The following HGSNAT variants were observed in gnomAD, a reference collection of about 807,000 sequenced individuals.
The protein encoded by HGSNAT is heparan-alpha-glucosaminide N-acetyltransferase, also known as transmembrane protein 76.
In HGSNAT, 59 loss-of-function variants were observed where a neutral mutation model predicts 85.2. The ratio of observed to expected loss-of-function variants is 0.69; its 90% CI spans 0.56 to 0.86. The LOEUF is 0.86. HGSNAT is among the 40% of genes least tolerant of loss of function. The probability of loss-of-function intolerance (pLI) is 0.00; values close to 1 mark genes in which losing one functional copy is unlikely to be tolerated. For synonymous variants in HGSNAT, 321 were observed against 304.5 expected (o/e 1.05, Z -0.56); for missense variants, 756 against 777.1 (o/e 0.97, Z 0.32).
intron 6 of HGSNAT, among the ~76,000 whole-genome samples, chr8:43,170,370 C>T (rs778008622): frequency 3.3e-5 from 5 of 151,960 alleles, no homozygotes; most frequent in Admixed American, 6.6e-5. Context: ...ATCACAGCTA[C>T]GCAGGAGGCT....
rs1382494626 is a variant in HGSNAT at position 43,170,685 on chromosome 8, C to A, written c.734C>A (p.Thr245Asn). Residue 245 changes from threonine to asparagine, a missense_variant, in exon 7 of 18, where the codon ACC becomes AAC. Physicochemically the swap from Thr to Asn is moderately conservative, Grantham distance 65. Coordinates refer to ENST00000379644, the MANE Select transcript of HGSNAT (RefSeq NM_152419.3). ...ALPPRLRSVD[T>N]FRGIALILMV... ...CCGCCCCGCCTCCGCAGCGTGGACACCTTCAGGGGGTATGTGGGCCTCCCT... is the reference window on the plus strand; with the variant it reads ...CCGCCCCGCCTCCGCAGCGTGGACAACTTCAGGGGGTATGTGGGCCTCCCT... 1 of 1,598,542 alleles carries A rather than the reference C, an allele frequency of 6.3e-7. No individual in the cohort carries two copies. Among genetic ancestry groups the A allele is most frequent in the Admixed American group, 1.7e-5 (1 of 57,694 alleles).
intron 14 of HGSNAT, chr8:43,196,176 C>T: frequency 3.3e-6 from 1 of 306,704 alleles, no homozygotes; most frequent in South Asian, 2.7e-5. Context: ...ACAGCACCTA[C>T]TTCAGAAGGG....
At chr8:43,181,232 A>G (rs1424412734) in intron 10 of HGSNAT, among the ~76,000 whole-genome samples, 19 of 133,450 alleles carry the variant, frequency 1.4e-4, no homozygotes, top group Middle Eastern at 3.7e-3. Flanking sequence ...AGGGAGAGGG[A>G]GAGCATTTCA....
At position 43,170,677 on chromosome 8, in the gene HGSNAT, C is replaced by T. The variant is rs181728385; in HGVS notation, c.726C>T (p.Ser242=). The T allele has an allele frequency of 9.4e-6, 15 of 1,602,660 alleles. No homozygotes were observed. Among genetic ancestry groups the T allele is most frequent in the African/African-American group, 5.3e-5 (4 of 74,774 alleles). The change falls in exon 7 of 18, where the codon AGC becomes AGT. Residue 242 remains serine, a synonymous_variant. Transcript: ENST00000379644. ...RLSALPPRLR[S]VDTFRGIALI... ...CTGCCCTGCCGCCCCGCCTCCGCAG[C>T]GTGGACACCTTCAGGGGGTATGTGG...
At position 43,142,644 on chromosome 8, in the gene HGSNAT, A is replaced by G. The variant is rs149701077; in HGVS notation, c.118+2030A>G. Reference sequence around the variant, plus strand: ...TCGTTGTTTTTTGTGGGAAATTAAAAAAATCATGCTGATTGGGCAGAGATT... The same window carrying G: ...TCGTTGTTTTTTGTGGGAAATTAAAGAAATCATGCTGATTGGGCAGAGATT... On this transcript the variant is annotated intron_variant, in intron 1 of 17. Transcript: ENST00000379644. 5.9e-5 allele frequency among the ~76,000 whole-genome samples: 9 copies of G among 152,318 alleles called. No individual in the cohort carries two copies. The East Asian group carries it at 1.7e-3, about 29-fold the overall frequency.
chr8:43,177,891 C>T (rs1803868649), intron 9 of HGSNAT, among the ~76,000 whole-genome samples, 183 bp from the exon 10 acceptor site: 1 of 152,158 alleles, frequency 6.6e-6, no homozygotes, highest in Non-Finnish European at 1.5e-5. Flanking sequence ...TGTCAAAAAC[C>T]TTCCAGCCCC....
Position 43,191,578 on chromosome 8 carries a change from A to T in HGSNAT, c.1233A>T (p.Pro411=). 1 of 1,613,950 alleles carries T rather than the reference A, an allele frequency of 6.2e-7. No homozygotes were observed. The highest frequency in any genetic ancestry group is 1.1e-5 in the South Asian group (1 of 91,086). The change falls in exon 12 of 18, where the codon CCA becomes CCT. Residue 411 remains proline, a synonymous_variant. Coordinates refer to ENST00000379644, the MANE Select transcript of HGSNAT (RefSeq NM_152419.3). Reference sequence around the variant, plus strand: ...GGCTGGGCTTGACATTCCTCCTGCCAGTCCCTGGGTGCCCTACGTAAGCGA... The same window carrying T: ...GGCTGGGCTTGACATTCCTCCTGCCTGTCCCTGGGTGCCCTACGTAAGCGA... ...GLWLGLTFLL[P]VPGCPTGYLG... is the part of the protein sequence containing the mutation.
At chr8:43,186,341 C>T (rs1273235772) in intron 11 of HGSNAT, among the ~76,000 whole-genome samples, 1 of 152,134 alleles carries the variant, frequency 6.6e-6, no homozygotes, top group Non-Finnish European at 1.5e-5. Flanking sequence ...TTCAGGGATT[C>T]AACTTCTTCC....
At chr8:43,163,568 G>A (rs892872333) in intron 5 of HGSNAT, among the ~76,000 whole-genome samples, 3 of 145,812 alleles carry the variant, frequency 2.1e-5, no homozygotes, top group Non-Finnish European at 3.0e-5. Context: ...ACTCTGCCAC[G>A]CAGGCTGGAG....
chr8:43,178,100 T>C lies in HGSNAT; in HGVS notation c.878T>C (p.Ile293Thr). 6.2e-7 allele frequency: 1 copy of C among 1,612,906 alleles called. No homozygotes were observed. The highest frequency in any genetic ancestry group is 1.1e-5 in the South Asian group (1 of 90,638). Residue 293 changes from isoleucine to threonine, a missense_variant, in exon 10 of 18, where the codon ATT (isoleucine) becomes ACT (threonine). By Grantham distance (89) the Ile-to-Thr change is moderately conservative (BLOSUM62 -1). Coordinates refer to ENST00000379644, the MANE Select transcript of HGSNAT (RefSeq NM_152419.3). ...PWFVFIMGSS[I>T]FLSMTSILQR... ...TTTGTATTTATTATGGGATCTTCCA[T>C]TTTTCTATCGATGACTTCTATACTG...
intron 5 of HGSNAT, among the ~76,000 whole-genome samples, chr8:43,164,916 G>A (rs560814534): frequency 7.2e-5 from 11 of 152,108 alleles, no homozygotes; most frequent in African/African-American, 2.4e-4. Context: ...CCAAAGAGAG[G>A]GAGGGAGATG....
In HGSNAT at chr8:43,197,917, A is replaced by G; in HGVS notation, c.1691A>G (p.Lys564Arg). The change falls in exon 17 of 18, where the codon AAG (lysine) becomes AGG (arginine). Residue 564 changes from lysine to arginine, a missense_variant. Lys to Arg is a conservative substitution (Grantham distance 26). Transcript: ENST00000379644. ...GTCCTGTACCCAGTTGTGGATGTGA[A>G]GGGGCTGTGGACAGGAACCCCATTC... ...LLVLYPVVDV[K>R]GLWTGTPFFY... 6.2e-7 allele frequency: 1 copy of G among 1,613,890 alleles called. No homozygotes were observed. Among genetic ancestry groups the G allele is most frequent in the South Asian group, 1.1e-5 (1 of 91,072 alleles).
intron 2 of HGSNAT, among the ~76,000 whole-genome samples, chr8:43,150,749 G>A (rs1420692963): frequency 1.3e-5 from 2 of 152,042 alleles, no homozygotes; most frequent in Non-Finnish European, 1.5e-5. Flanking sequence ...CAGGAGAATG[G>A]CGTGAACCCG....
chr8:43,159,613 A>C (rs1257333060), intron 4 of HGSNAT, among the ~76,000 whole-genome samples: 2 of 152,228 alleles, frequency 1.3e-5, no homozygotes, highest in African/African-American at 4.8e-5. Flanking sequence ...ATATATCAAT[A>C]CATTCTCATA....
At chr8:43,154,878 G>A (rs533306690) in intron 2 of HGSNAT, among the ~76,000 whole-genome samples, 48 of 152,200 alleles carry the variant, frequency 3.2e-4, no homozygotes, top group African/African-American at 1.0e-3. Flanking sequence ...TTTAATGATC[G>A]CCATTCTAAC....
intron 17 of HGSNAT, 80 bp from the exon 18 acceptor site, chr8:43,199,308 C>A: frequency 9.8e-7 from 1 of 1,024,520 alleles, no homozygotes; most frequent in Non-Finnish European, 1.4e-6. Flanking sequence ...TTTCATTGAA[C>A]TGGTTTCAAG....
intron 14 of HGSNAT, chr8:43,194,189 G>A (rs867245666): frequency 1.3e-6 from 1 of 796,948 alleles, no homozygotes; most frequent in Non-Finnish European, 1.6e-6. Flanking sequence ...CTTGAGTCCG[G>A]GAGTTTGAGA....
intron 2 of HGSNAT, among the ~76,000 whole-genome samples, chr8:43,155,844 T>G (rs1372275245): frequency 6.6e-6 from 1 of 152,166 alleles, no homozygotes; most frequent in East Asian, 1.9e-4. Flanking sequence ...TGTGTCCTTT[T>G]TTTTTTCTTT....
At chr8:43,189,528 T>C (rs1248301828) in intron 11 of HGSNAT, among the ~76,000 whole-genome samples, 2 of 152,164 alleles carry the variant, frequency 1.3e-5, no homozygotes, top group African/African-American at 2.4e-5. Flanking sequence ...CCAGGTACCA[T>C]CTGTCATGGC....
Sources: gnomAD v4.1 joint callset for allele counts (sites outside exome capture counted in the v4.1 genomes callset) on GRCh38, gnomAD v4.1.1 for gene constraint, MANE v1.5 for transcripts, NCBI Gene and HGNC (gene_info 2026-07-23, HGNC 2026-07-21) for gene names.